The following PRRT1B variants were observed in gnomAD, a reference collection of about 807,000 sequenced individuals.
PRRT1B encodes the protein proline rich transmembrane protein 1B, also known as dispanin subfamily D member 2.
intron 1 of PRRT1B, among the ~76,000 whole-genome samples, chr9:131,549,710 C>T (rs1245923703): frequency 6.6e-6 from 1 of 152,186 alleles, no homozygotes; most frequent in Admixed American, 6.5e-5. Flanking sequence ...TTTCCTTTGC[C>T]TCCATAACTG....
At chr9:131,557,359 T>C (rs1485517672) in intron 3 of PRRT1B, among the ~76,000 whole-genome samples, 2 of 151,974 alleles carry the variant, frequency 1.3e-5, no homozygotes, top group Non-Finnish European at 2.9e-5. Flanking sequence ...ACCAATATGG[T>C]GAAACCCCGT....
At chr9:131,558,105 G>A (rs925987162) in exon 4 of PRRT1B, 17 of 400,772 alleles carry the variant, frequency 4.2e-5, no homozygotes, top group African/African-American at 4.1e-5. Context: ...GAGGCCTCGC[G>A]GAAGGCCCGC....
In PRRT1B at chr9:131,551,389, C is replaced by A. The variant is rs141965932; in HGVS notation, c.26-3168C>A. Among the ~76,000 whole-genome samples the A allele has an allele frequency of 3.3e-5, 5 of 152,158 alleles. No homozygotes were observed. The South Asian group carries it at 1.0e-3, about 32-fold the overall frequency. ...TAATCTCTCCCACTCTAGGTTCCCA[C>A]GCCGCCCCTAATCTCGCTTGAAGCA... On this transcript the variant is annotated intron_variant, in intron 1 of 3. Coordinates refer to ENST00000636672, the Ensembl canonical transcript of PRRT1B. The surrounding 1 kb of genome is among the most constrained non-coding windows in gnomAD (Gnocchi z 4.4).
At chr9:131,545,693 C>T (rs1360150985) in intron 1 of PRRT1B, 53 bp downstream of exon 1, 5 of 395,216 alleles carry the variant, frequency 1.3e-5, no homozygotes, top group South Asian at 1.2e-4. Flanking sequence ...CAGGTACTGG[C>T]GGGGCAGGTA....
At chr9:131,550,432 A>T (rs62580645) in intron 1 of PRRT1B, among the ~76,000 whole-genome samples, 13 of 151,976 alleles carry the variant, frequency 8.6e-5, no homozygotes, top group African/African-American at 2.7e-4. Flanking sequence ...CTGTACTGCC[A>T]CAAGGCTTCA....
chr9:131,559,791 A>G (rs1017179908), downstream of PRRT1B, among the ~76,000 whole-genome samples: 4 of 152,240 alleles, frequency 2.6e-5, no homozygotes, highest in African/African-American at 9.6e-5. Context: ...ACTAAAAGGC[A>G]TTAAAACCAG....
exon 4 of PRRT1B, chr9:131,558,146 G>A (rs1951062667): frequency 2.5e-6 from 1 of 400,888 alleles, no homozygotes; most frequent in Non-Finnish European, 4.4e-6. Flanking sequence ...GCTCTTCGGG[G>A]TCTTCGTGTC....
At chr9:131,547,649 A>G (rs1437822729) in intron 1 of PRRT1B, among the ~76,000 whole-genome samples, 1 of 151,748 alleles carries the variant, frequency 6.6e-6, no homozygotes, top group Non-Finnish European at 1.5e-5. Context: ...AGATCGGGGG[A>G]CCTCCCTTGG....
At chr9:131,557,111 C>T (rs1475187735) in intron 3 of PRRT1B, among the ~76,000 whole-genome samples, 1 of 152,106 alleles carries the variant, frequency 6.6e-6, no homozygotes, top group Admixed American at 6.6e-5. Context: ...TCCATCTACT[C>T]ATCCATACAC....
At chr9:131,554,228 T>C (rs571231011) in intron 1 of PRRT1B, among the ~76,000 whole-genome samples, 40 of 152,288 alleles carry the variant, frequency 2.6e-4, no homozygotes, top group South Asian at 1.5e-3. Flanking sequence ...GGATTATCCT[T>C]TTCTGGTCCA....
exon 2 of PRRT1B, chr9:131,554,720 C>T (rs1343387123): frequency 5.8e-6 from 2 of 344,702 alleles, no homozygotes; most frequent in African/African-American, 2.2e-5. Context: ...CCAGCGAGGA[C>T]GGGGCCGCGG....
chr9:131,546,062 G>A (rs1950972456), intron 1 of PRRT1B, among the ~76,000 whole-genome samples: 1 of 152,126 alleles, frequency 6.6e-6, no homozygotes, highest in Non-Finnish European at 1.5e-5. Flanking sequence ...GCGCCCCTGC[G>A]GGCAAGCCAG....
In PRRT1B at chr9:131,551,086, G is replaced by C. The variant is rs1951009079; in HGVS notation, c.26-3471G>C. 6.6e-6 allele frequency among the ~76,000 whole-genome samples: 1 copy of C among 151,112 alleles called. No homozygotes were observed. Among genetic ancestry groups the C allele is most frequent in the South Asian group, 2.1e-4 (1 of 4,772 alleles). Reference sequence around the variant, plus strand: ...GCCTCCCGAGTAGCTGGGACTACAGGCACCCGCCACCATGCTCCGCTAATT... The same window carrying C: ...GCCTCCCGAGTAGCTGGGACTACAGCCACCCGCCACCATGCTCCGCTAATT... On this transcript the variant is annotated intron_variant, in intron 1 of 3. Coordinates refer to ENST00000636672, the Ensembl canonical transcript of PRRT1B. The surrounding 1 kb of genome is among the most constrained non-coding windows in gnomAD (Gnocchi z 4.4).
chr9:131,557,094 T>C (rs964359482), intron 3 of PRRT1B, among the ~76,000 whole-genome samples: 1 of 151,896 alleles, frequency 6.6e-6, no homozygotes, highest in African/African-American at 2.4e-5. Context: ...ATCCCTCTAT[T>C]CATCCATCCA....
intron 1 of PRRT1B, among the ~76,000 whole-genome samples, chr9:131,550,029 T>G (rs1322732497): frequency 6.6e-6 from 1 of 152,042 alleles, no homozygotes; most frequent in East Asian, 1.9e-4. Flanking sequence ...CTATTAAAAC[T>G]TAATCACCCT....
intron 1 of PRRT1B, 93 bp downstream of exon 1, chr9:131,545,733 ACTGGCGGGGCAGGTG>A (rs1243716807): frequency 4.8e-5 from 19 of 396,468 alleles, no homozygotes; most frequent in East Asian, 1.8e-4. Flanking sequence ...AGGGGCAGGT[ACTGGCGGGGCAGGTG>A]CTGGCGGGGC....
chr9:131,557,367 C>T (rs767654549), intron 3 of PRRT1B, among the ~76,000 whole-genome samples: 4 of 152,042 alleles, frequency 2.6e-5, no homozygotes, highest in Non-Finnish European at 2.9e-5. Flanking sequence ...GGTGAAACCC[C>T]GTCTCTACTA....
chr9:131,550,187 C>T (rs1951001454), intron 1 of PRRT1B, among the ~76,000 whole-genome samples: 1 of 152,208 alleles, frequency 6.6e-6, no homozygotes, highest in Admixed American at 6.5e-5. Context: ...ACCAGGCAAG[C>T]CTCACAGGCT....
At chr9:131,558,489 T>G in exon 4 of PRRT1B, 3 of 284,692 alleles carry the variant, frequency 1.1e-5, no homozygotes, top group East Asian at 5.8e-5. Context: ...AGAGCCCCAT[T>G]TCCCAGGAGC....
Sources: gnomAD v4.1 joint callset for allele counts (sites outside exome capture counted in the v4.1 genomes callset) on GRCh38, gnomAD v4.1.1 for gene constraint, Gnocchi (gnomAD v3.1) non-coding constraint, MANE v1.5 for transcripts, NCBI Gene and HGNC (gene_info 2026-07-23, HGNC 2026-07-21) for gene names.